PRDM5: variants seen among roughly 807,000 people sequenced by gnomAD.
PRDM5 encodes the protein PR domain zinc finger protein 5.
PRDM5 carries 56 observed loss-of-function variants against 81.2 expected under a neutral mutation model. The observed-to-expected ratio is 0.69, with a 90% CI of 0.56 to 0.86. PRDM5 has a LOEUF of 0.86. Ranked by LOEUF, PRDM5 falls within the 40% of genes least tolerant of loss-of-function variation. PRDM5 has a pLI of 0.00. For missense variants in PRDM5, 697 were observed against 770.1 expected (o/e 0.91, Z 1.12); for synonymous variants, 267 against 256.4 (o/e 1.04, Z -0.39).
chr4:120,721,940 G>A (rs1468741158), intron 14 of PRDM5, among the ~76,000 whole-genome samples: 1 of 152,174 alleles, frequency 6.6e-6, no homozygotes, highest in African/African-American at 2.4e-5. Flanking sequence ...GTGGGCACGC[G>A]GGTGCCCAGA....
intron 12 of PRDM5, among the ~76,000 whole-genome samples, chr4:120,779,594 T>C (rs1284528799): frequency 6.6e-6 from 1 of 152,170 alleles, no homozygotes; most frequent in African/African-American, 2.4e-5. Flanking sequence ...ATACACTGAA[T>C]ACCTGTATCA....
chr4:120,759,292 C>T (rs1160268873), intron 13 of PRDM5, among the ~76,000 whole-genome samples: 1 of 152,166 alleles, frequency 6.6e-6, no homozygotes, highest in African/African-American at 2.4e-5. Flanking sequence ...ATGTAAATGG[C>T]TTTTATAAGC....
chr4:120,904,792 C>A (rs1339317898), intron 2 of PRDM5, among the ~76,000 whole-genome samples: 3 of 152,112 alleles, frequency 2.0e-5, no homozygotes, highest in Admixed American at 6.6e-5. Flanking sequence ...TACCTTATAG[C>A]TACACAAAAC....
intron 13 of PRDM5, among the ~76,000 whole-genome samples, chr4:120,772,184 C>T (rs575190999): frequency 4.6e-5 from 7 of 152,152 alleles, no homozygotes; most frequent in South Asian, 4.2e-4. Context: ...ACTCTCTAGG[C>T]GGGAAAAGTT....
chr4:120,737,611 T>C (rs1186445946), intron 14 of PRDM5, among the ~76,000 whole-genome samples: 3 of 152,214 alleles, frequency 2.0e-5, no homozygotes, highest in African/African-American at 7.2e-5. Flanking sequence ...TGGCACACAG[T>C]TGGGCACATC....
intron 13 of PRDM5, among the ~76,000 whole-genome samples, chr4:120,765,521 T>C (rs904717059): frequency 6.6e-6 from 1 of 152,168 alleles, no homozygotes; most frequent in Non-Finnish European, 1.5e-5. Flanking sequence ...TGCTCTACTA[T>C]TTCAGCTGAC....
intron 13 of PRDM5, among the ~76,000 whole-genome samples, chr4:120,763,154 G>A (rs1221277069): frequency 6.6e-6 from 1 of 152,044 alleles, no homozygotes; most frequent in Non-Finnish European, 1.5e-5. Flanking sequence ...CCAACTCAAA[G>A]GACATGAGGT....
At chr4:120,684,746 A>G (rs1733774072), downstream of PRDM5, among the ~76,000 whole-genome samples, 1 of 151,966 alleles carries the variant, frequency 6.6e-6, no homozygotes, top group Non-Finnish European at 1.5e-5. Context: ...AGTATTCAAA[A>G]ATTATCTCAA....
At chr4:120,868,194 T>C (rs1233612163) in intron 2 of PRDM5, among the ~76,000 whole-genome samples, 1 of 152,228 alleles carries the variant, frequency 6.6e-6, no homozygotes. Flanking sequence ...TGTTCCTATA[T>C]AGTATCAAAA....
At chr4:120,897,620 T>C (rs1764790543) in intron 2 of PRDM5, among the ~76,000 whole-genome samples, 1 of 152,250 alleles carries the variant, frequency 6.6e-6, no homozygotes, top group Non-Finnish European at 1.5e-5. Context: ...TTAGATATTT[T>C]CACTGTCTCA....
intron 10 of PRDM5, among the ~76,000 whole-genome samples, chr4:120,787,928 G>T (rs553366534): frequency 6.6e-6 from 1 of 152,208 alleles, no homozygotes; most frequent in East Asian, 1.9e-4. Flanking sequence ...ATAAAGGAAT[G>T]AAAAATTAAA....
chr4:120,814,986 T>C (rs532808015), intron 7 of PRDM5, among the ~76,000 whole-genome samples: 2 of 152,324 alleles, frequency 1.3e-5, no homozygotes, highest in African/African-American at 4.8e-5. Flanking sequence ...CAAGGCCAAC[T>C]ACAAGAAGCC....
rs141214479 is a variant in PRDM5 at position 120,710,517 on chromosome 4, A to T, written c.1624-104T>A. On this transcript the variant is annotated intron_variant, in intron 14 of 15. Transcript: ENST00000264808. ...ATGGGATCCACAGAATACTGCAGCA[A>T]ATTTACAGGTATGCTGATATGGTTT... 3.8e-4 allele frequency: 343 copies of T among 893,198 alleles called. 1 individual carries two copies. The African/African-American group carries it at 5.1e-3, about 13-fold the overall frequency. The allele number at this position is 893,198 out of a possible 1,614,324, so 55.3% of individuals were successfully genotyped here.
At chr4:120,844,542 G>A (rs1451611835) in intron 3 of PRDM5, among the ~76,000 whole-genome samples, 6 of 152,076 alleles carry the variant, frequency 3.9e-5, no homozygotes, top group Non-Finnish European at 8.8e-5. Context: ...TGTTTAGGGG[G>A]CCACCATAAA....
intron 5 of PRDM5, among the ~76,000 whole-genome samples, chr4:120,817,483 G>C (rs1467024860): frequency 6.6e-6 from 1 of 151,552 alleles, no homozygotes; most frequent in Non-Finnish European, 1.5e-5. Context: ...TAAGGTTGGA[G>C]AAAGAAAGTA....
intron 10 of PRDM5, among the ~76,000 whole-genome samples, chr4:120,786,336 A>T (rs918088134): frequency 2.6e-5 from 4 of 152,196 alleles, no homozygotes; most frequent in Admixed American, 2.0e-4. Context: ...AATCACAGAT[A>T]ATCTAATGTG....
intron 3 of PRDM5, among the ~76,000 whole-genome samples, chr4:120,831,722 G>GA (rs1441904810): frequency 1.3e-5 from 2 of 152,016 alleles, no homozygotes; most frequent in Non-Finnish European, 2.9e-5. Flanking sequence ...GAGTGGTTAT[G>GA]AAAAAATATG....
chr4:120,735,979 T>C (rs1352413523), intron 14 of PRDM5, among the ~76,000 whole-genome samples: 1 of 152,100 alleles, frequency 6.6e-6, no homozygotes, highest in Middle Eastern at 3.2e-3. Context: ...TGAAGTAATT[T>C]CTCCTCATCC....
At chr4:120,687,437 A>C (rs914701455), downstream of PRDM5, among the ~76,000 whole-genome samples, 1 of 152,108 alleles carries the variant, frequency 6.6e-6, no homozygotes, top group Non-Finnish European at 1.5e-5. Context: ...TCAAGTTTCC[A>C]TGTTGTAGCA....
Sources: allele counts gnomAD v4.1 joint callset (sites outside exome capture counted in the v4.1 genomes callset), GRCh38; gene constraint gnomAD v4.1.1; transcripts MANE v1.5; gene names NCBI Gene and HGNC (gene_info 2026-07-23, HGNC 2026-07-21).